The following ENTHD1 variants were observed in gnomAD, a reference collection of about 807,000 sequenced individuals.
The protein encoded by ENTHD1 is ENTH domain-containing protein 1.
In ENTHD1, 23 loss-of-function variants were observed where a neutral mutation model predicts 39.1. That is an observed-to-expected ratio of 0.59 (90% CI 0.42 to 0.83). The LOEUF (loss-of-function observed/expected upper bound fraction) is 0.83. ENTHD1 is among the 40% of genes least tolerant of loss of function. The pLI is 0.00. For missense variants in ENTHD1, 624 were observed against 705.4 expected, an observed-to-expected ratio of 0.88 and a Z score of 1.31; for synonymous variants, 230 against 258.2, an observed-to-expected ratio of 0.89 and a Z score of 1.05.
intron 6 of ENTHD1, among the ~76,000 whole-genome samples, chr22:39,753,708 C>A (rs1410340195): frequency 6.6e-6 from 1 of 152,212 alleles, no homozygotes; most frequent in Non-Finnish European, 1.5e-5. Flanking sequence ...GACTAGCCAT[C>A]CATCCTGGCC....
At chr22:39,775,835 T>C (rs1418927786) in intron 5 of ENTHD1, among the ~76,000 whole-genome samples, 1 of 152,130 alleles carries the variant, frequency 6.6e-6, no homozygotes, top group Admixed American at 6.5e-5. Flanking sequence ...TTGTGGAAAC[T>C]TTTCTGAAGT....
intron 4 of ENTHD1, among the ~76,000 whole-genome samples, chr22:39,828,533 A>G (rs765379216): frequency 1.3e-5 from 2 of 152,218 alleles, no homozygotes; most frequent in African/African-American, 2.4e-5. Context: ...CAAAATAACA[A>G]ATGAAGGCAG....
At chr22:39,792,495 T>C (rs1006446399) in intron 5 of ENTHD1, among the ~76,000 whole-genome samples, 6 of 151,964 alleles carry the variant, frequency 3.9e-5, no homozygotes, top group Admixed American at 2.6e-4. Flanking sequence ...TTTTTGTTTT[T>C]AATTATCTTA....
chr22:39,822,716 T>C (rs1211415821), intron 4 of ENTHD1, among the ~76,000 whole-genome samples: 2 of 152,212 alleles, frequency 1.3e-5, no homozygotes. Context: ...ATGCATTCAT[T>C]ATTCCTGGAT....
intron 6 of ENTHD1, among the ~76,000 whole-genome samples, chr22:39,752,801 C>T (rs2065157363): frequency 6.6e-6 from 1 of 152,178 alleles, no homozygotes; most frequent in African/African-American, 2.4e-5. Flanking sequence ...CTGGGGCTTC[C>T]TCCCTGGAGG....
chr22:39,745,860 T>C (rs575990340), intron 6 of ENTHD1, among the ~76,000 whole-genome samples: 1 of 152,354 alleles, frequency 6.6e-6, no homozygotes, highest in African/African-American at 2.4e-5. Context: ...TTTCACTGTC[T>C]TCTTGTTTCT....
intron 5 of ENTHD1, among the ~76,000 whole-genome samples, chr22:39,794,462 C>A (rs905945344): frequency 3.3e-4 from 50 of 152,064 alleles, no homozygotes; most frequent in African/African-American, 1.2e-3. Context: ...TTTTGGTTGA[C>A]TGCTTTGGCT....
chr22:39,841,692 T>A lies in ENTHD1; in HGVS notation c.593-5734A>T, dbSNP rs2065945286. The stretch of plus-strand genomic sequence containing the variant: ...TGATGGGTCTTGACTCTTTATCCAA[T>A]TTGCCAGTCTGTGTCTTTTAATTGG... On this transcript the variant is annotated intron_variant, in intron 3 of 6. Coordinates refer to ENST00000325157, the MANE Select transcript of ENTHD1 (RefSeq NM_152512.4). 2.0e-5 allele frequency among the ~76,000 whole-genome samples: 3 copies of A among 150,308 alleles called. No individual in the cohort carries two copies. The South Asian group carries it at 6.3e-4, about 32-fold the overall frequency.
chr22:39,783,875 C>T (rs2065432863), intron 5 of ENTHD1, among the ~76,000 whole-genome samples: 2 of 152,052 alleles, frequency 1.3e-5, no homozygotes, highest in South Asian at 4.1e-4. Context: ...AAATCTCAGG[C>T]AACCAAAGCA....
At chr22:39,859,779 TGACACA>T (rs1037618951) in intron 3 of ENTHD1, among the ~76,000 whole-genome samples, 7 of 152,206 alleles carry the variant, frequency 4.6e-5, no homozygotes, top group African/African-American at 1.4e-4. Flanking sequence ...TACCAAAATG[TGACACA>T]GACACAAAGT....
chr22:39,853,337 C>T (rs2146709009), intron 3 of ENTHD1, among the ~76,000 whole-genome samples: 1 of 152,160 alleles, frequency 6.6e-6, no homozygotes. Context: ...TCGAGACCAG[C>T]CTGGCCAATA....
intron 5 of ENTHD1, among the ~76,000 whole-genome samples, chr22:39,815,438 C>T (rs530235710): frequency 1.3e-5 from 2 of 149,578 alleles, no homozygotes; most frequent in African/African-American, 2.5e-5. Flanking sequence ...AGTGAAACTC[C>T]GTCTCAAAAA....
chr22:39,872,609 G>A (rs2066252839), intron 2 of ENTHD1, among the ~76,000 whole-genome samples: 1 of 152,080 alleles, frequency 6.6e-6, no homozygotes, highest in Admixed American at 6.5e-5. Flanking sequence ...TAAAGGCTTA[G>A]TTCTTAGTCT....
chr22:39,770,022 AT>A (rs2065309307), intron 5 of ENTHD1, among the ~76,000 whole-genome samples: 1 of 152,150 alleles, frequency 6.6e-6, no homozygotes, highest in Admixed American at 6.5e-5. Flanking sequence ...TCATTCAAAG[AT>A]AGTTGTATCT....
intron 4 of ENTHD1, among the ~76,000 whole-genome samples, chr22:39,832,497 C>T (rs140672491): frequency 2.6e-5 from 4 of 151,994 alleles, no homozygotes; most frequent in African/African-American, 7.2e-5. Flanking sequence ...GTATATTTAA[C>T]GGAAATTAAG....
chr22:39,824,064 T>C (rs1198750628), intron 4 of ENTHD1, among the ~76,000 whole-genome samples: 1 of 152,172 alleles, frequency 6.6e-6, no homozygotes. Flanking sequence ...GATACGGGGT[T>C]TACAAATATT....
At position 39,799,204 on chromosome 22, in the gene ENTHD1, G is replaced by A. The variant is rs374491800; in HGVS notation, c.832+21789C>T. 1.8e-3 allele frequency among the ~76,000 whole-genome samples: 268 copies of A among 152,290 alleles called. 1 individual carries two copies. The highest frequency in any genetic ancestry group is 6.0e-3 in the African/African-American group (250 of 41,564). Reference sequence around the variant, plus strand: ...GATGGTGGGAGCCTGTCCCTAGTATGTGCACAAGTATACCTCGGCCCTACC... The same window carrying A: ...GATGGTGGGAGCCTGTCCCTAGTATATGCACAAGTATACCTCGGCCCTACC... On this transcript the variant is annotated intron_variant, in intron 5 of 6. Transcript: ENST00000325157.
At chr22:39,858,831 C>T (rs772232797) in intron 3 of ENTHD1, among the ~76,000 whole-genome samples, 8 of 152,336 alleles carry the variant, frequency 5.3e-5, no homozygotes, top group Admixed American at 2.0e-4. Flanking sequence ...AACTTAAAGT[C>T]ACCAGTTGCA....
intron 5 of ENTHD1, among the ~76,000 whole-genome samples, chr22:39,784,001 C>T (rs1304595437): frequency 2.0e-5 from 3 of 152,132 alleles, no homozygotes; most frequent in Non-Finnish European, 4.4e-5. Flanking sequence ...AACTACCCAT[C>T]TGACAAGGGA....
Sources: allele counts gnomAD v4.1 joint callset (sites outside exome capture counted in the v4.1 genomes callset), GRCh38; gene constraint gnomAD v4.1.1; transcripts MANE v1.5; gene names NCBI Gene and HGNC (gene_info 2026-07-23, HGNC 2026-07-21).